The following KAZN variants were observed in gnomAD, a reference collection of about 807,000 sequenced individuals.
The protein encoded by KAZN is kazrin.
Under a neutral mutation model 87.4 loss-of-function variants are expected in KAZN, and 40 were observed. The observed-to-expected ratio is 0.46, with a 90% CI of 0.36 to 0.60. KAZN has a LOEUF of 0.60. KAZN is among the 20% of genes least tolerant of loss of function. The pLI, the probability that KAZN is intolerant of heterozygous loss-of-function variation, is 0.00. For missense variants in KAZN, 898 were observed against 1,073.9 expected (o/e 0.84, Z 2.29); for synonymous variants, 466 against 458.3 (o/e 1.02, Z -0.22).
chr1:14,412,832 A>AT (rs1664414161), intron 2 of KAZN, among the ~76,000 whole-genome samples: 2 of 151,350 alleles, frequency 1.3e-5, no homozygotes, highest in Admixed American at 6.6e-5. Flanking sequence ...TGGGGAGGGG[A>AT]TTTTCTGCCT....
At chr1:14,401,946 A>C (rs1403080991) in intron 2 of KAZN, among the ~76,000 whole-genome samples, 3 of 152,254 alleles carry the variant, frequency 2.0e-5, no homozygotes, top group Non-Finnish European at 4.4e-5. Context: ...CAAAAGAGGT[A>C]AGAATGCCTG....
intron 2 of KAZN, among the ~76,000 whole-genome samples, chr1:14,973,379 G>A (rs368994989): frequency 3.3e-5 from 5 of 152,154 alleles, no homozygotes; most frequent in East Asian, 1.9e-4. Flanking sequence ...GTACTTCTGC[G>A]CAGAGGGGTA....
intron 1 of KAZN, among the ~76,000 whole-genome samples, chr1:14,814,860 A>G (rs1378586552): frequency 6.6e-6 from 1 of 152,212 alleles, no homozygotes; most frequent in Admixed American, 6.5e-5. Context: ...TATATGTTCT[A>G]GAATGGTTTA....
At chr1:14,565,714 A>G (rs539658843) in intron 2 of KAZN, among the ~76,000 whole-genome samples, 34 of 152,226 alleles carry the variant, frequency 2.2e-4, no homozygotes, top group Non-Finnish European at 4.4e-4. Context: ...TGTCATTTCA[A>G]CAATGTTCAC....
chr1:14,669,258 G>A (rs902110751), intron 1 of KAZN, among the ~76,000 whole-genome samples: 34 of 152,100 alleles, frequency 2.2e-4, no homozygotes, highest in Non-Finnish European at 2.9e-5. Context: ...CTGGGCTCTG[G>A]AGCTTTCCTG....
At chr1:14,275,920 A>G (rs1488997713) in intron 2 of KAZN, among the ~76,000 whole-genome samples, 1 of 152,200 alleles carries the variant, frequency 6.6e-6, no homozygotes, top group African/African-American at 2.4e-5. Flanking sequence ...TGGTTCTCTG[A>G]ACTCCTATTC....
At chr1:14,658,655 G>A (rs1638953375) in intron 1 of KAZN, among the ~76,000 whole-genome samples, 1 of 152,054 alleles carries the variant, frequency 6.6e-6, no homozygotes, top group Non-Finnish European at 1.5e-5. Flanking sequence ...AGGGAGTTTG[G>A]CTCTCTAAGC....
At position 15,094,072 on chromosome 1, in the gene KAZN, G is replaced by A. The variant is rs1640688716; in HGVS notation, c.1223-108G>A. The A allele has an allele frequency of 1.1e-6, 1 of 898,142 alleles. No homozygotes were observed. The highest frequency in any genetic ancestry group is 2.3e-5 in the Admixed American group (1 of 42,958). 55.6% of individuals were successfully genotyped at this position (898,142 alleles called of 1,614,324 possible). A position where few individuals can be genotyped will look rare whatever the true frequency, so the allele number is the denominator to read the frequency against. On this transcript the variant is annotated intron_variant, in intron 8 of 14. Transcript: ENST00000376030. This position sits in a 1 kb window ranked among gnomAD's most constrained non-coding sequence, Gnocchi z 4.5. The stretch of plus-strand genomic sequence containing the variant: ...CACTTTGATTTTGAAGAGAATACAT[G>A]GAGGGGAGGATGTCCCCACCACCCT...
chr1:15,050,792 GC>G, intron 4 of KAZN, among the ~76,000 whole-genome samples: 1 of 149,202 alleles, frequency 6.7e-6, no homozygotes, highest in Admixed American at 6.6e-5. Context: ...GCCTGTCGTT[GC>G]CCCCACAGGA....
At chr1:15,073,054 CGAAA>C (rs1639585169) in intron 8 of KAZN, among the ~76,000 whole-genome samples, 1 of 152,170 alleles carries the variant, frequency 6.6e-6, no homozygotes, top group Non-Finnish European at 1.5e-5. Context: ...CCATAGCTGG[CGAAA>C]GAATCAGCAG....
intron 2 of KAZN, among the ~76,000 whole-genome samples, chr1:14,998,740 G>A (rs1237372294): frequency 1.3e-5 from 2 of 152,066 alleles, no homozygotes; most frequent in African/African-American, 4.8e-5. Flanking sequence ...GTAGAGACGG[G>A]GTTTCGCCAT....
Position 15,114,837 on chromosome 1 carries a change from G to T in KAZN, c.*202G>T, listed in dbSNP as rs763922886. ...GACACCAGCCCACCTGTCTTGGGTG[G>T]GCCATGGACTTTCCTGTTCAGCTGG... On this transcript the variant is annotated 3_prime_UTR_variant, in exon 15 of 15. Coordinates refer to ENST00000376030, the MANE Select transcript of KAZN (RefSeq NM_201628.3). The T allele has an allele frequency of 3.7e-5, 19 of 518,676 alleles. No individual in the cohort carries two copies. Among genetic ancestry groups the T allele is most frequent in the Non-Finnish European group, 6.5e-5 (19 of 293,386 alleles). 32.1% of individuals were successfully genotyped at this position (518,676 alleles called of 1,614,324 possible).
At chr1:15,102,359 A>C (rs1287672189) in intron 11 of KAZN, among the ~76,000 whole-genome samples, 1 of 152,150 alleles carries the variant, frequency 6.6e-6, no homozygotes, top group Non-Finnish European at 1.5e-5. Flanking sequence ...GGATCAGTAG[A>C]AGACATGAGA....
At position 14,943,491 on chromosome 1, in the gene KAZN, C is replaced by T. The variant is rs180993625; in HGVS notation, c.227-17193C>T. ...TTCCTGGCAAGGGCTGGTCTCACAA[C>T]GAGAAGGCAGTGTGGTTCTTGAGGG... On this transcript the variant is annotated intron_variant, in intron 1 of 14. Transcript: ENST00000376030. 2.2e-4 allele frequency among the ~76,000 whole-genome samples: 34 copies of T among 152,234 alleles called. 1 individual carries two copies. Among genetic ancestry groups the T allele is most frequent in the African/African-American group, 7.9e-4 (33 of 41,550 alleles).
At chr1:14,924,855 G>C (rs1658994736) in intron 1 of KAZN, among the ~76,000 whole-genome samples, 1 of 152,144 alleles carries the variant, frequency 6.6e-6, no homozygotes, top group Non-Finnish European at 1.5e-5. Context: ...ACCCAGCTCC[G>C]GGCTGGACCC....
At position 14,230,786 on chromosome 1, in the gene KAZN, C is replaced by G. The variant is rs1207032200; in HGVS notation, c.249+50194C>G. ...ATTTTTTCAGTAAGAAGGTTATAAA[C>G]AATGATTTATGACCTCTTGAGGTGC... On this transcript the variant is annotated intron_variant, in intron 2 of 16. Coordinates refer to the KAZN transcript ENST00000636203. 2.0e-5 allele frequency among the ~76,000 whole-genome samples: 3 copies of G among 152,076 alleles called. No individual in the cohort carries two copies. The South Asian group carries it at 6.2e-4, about 32-fold the overall frequency.
At chr1:15,028,372 C>T (rs374025912) in intron 2 of KAZN, among the ~76,000 whole-genome samples, 19 of 152,258 alleles carry the variant, frequency 1.2e-4, no homozygotes, top group South Asian at 1.2e-3. Context: ...TCATGCAGAG[C>T]GCTGGGGAGC....
intron 1 of KAZN, among the ~76,000 whole-genome samples, chr1:14,133,377 A>AAAGAAAGAAAGAAAG (rs1553132990): frequency 1.4e-5 from 1 of 72,096 alleles, no homozygotes; most frequent in African/African-American, 7.3e-5. Flanking sequence ...AAAAAAAAAA[A>AAAGAAAGAAAGAAAG]AAAGAAAGAA....
chr1:14,699,125 G>A (rs1056387825), intron 1 of KAZN, among the ~76,000 whole-genome samples: 8 of 151,742 alleles, frequency 5.3e-5, no homozygotes, highest in African/African-American at 1.7e-4. Context: ...AAACCCCCAG[G>A]GAAGTCCCAG....
Sources: allele counts gnomAD v4.1 joint callset (sites outside exome capture counted in the v4.1 genomes callset), GRCh38; gene constraint gnomAD v4.1.1; non-coding constraint Gnocchi (gnomAD v3.1); transcripts MANE v1.5; gene names NCBI Gene and HGNC (gene_info 2026-07-23, HGNC 2026-07-21).